ARMC8: variants seen among roughly 807,000 people sequenced by gnomAD.
ARMC8 encodes the protein armadillo repeat containing 8.
A neutral mutation model predicts 99.3 loss-of-function variants in ARMC8; 20 were observed. The ratio of observed to expected loss-of-function variants is 0.20; its 90% CI spans 0.14 to 0.29. ARMC8 has a LOEUF of 0.29. Among genes scored for constraint, ARMC8 ranks in the 10% least tolerant of loss-of-function variants. The pLI, the probability that ARMC8 is intolerant of heterozygous loss-of-function variation, is 1.00. For missense variants in ARMC8, 569 were observed against 809.5 expected (o/e 0.70, Z 3.60); for synonymous variants, 263 against 278.3 (o/e 0.95, Z 0.55).
Position 138,239,293 on chromosome 3 carries a change from T to C in ARMC8, c.777-175T>C, listed in dbSNP as rs186906659. 1.5e-5 allele frequency: 8 copies of C among 532,896 alleles called. No individual in the cohort carries two copies. The East Asian group carries it at 2.4e-4, about 16-fold the overall frequency. The allele number at this position is 532,896 out of a possible 1,614,324, so 33.0% of individuals were successfully genotyped here. On this transcript the variant is annotated intron_variant, in intron 9 of 21. Transcript: ENST00000469044. ...ACCATCTGTATTTGTCAGTTAGTTTTCTTTGACTATTAAATTGACTGAACC... is the reference window on the plus strand; with the variant it reads ...ACCATCTGTATTTGTCAGTTAGTTTCCTTTGACTATTAAATTGACTGAACC...
intron 6 of ARMC8, 168 bp downstream of exon 6, chr3:138,229,178 A>ATATATATATATGTATATGTATATG (rs1576686064): frequency 1.9e-4 from 6 of 32,100 alleles, no homozygotes; most frequent in African/African-American, 5.8e-4. Flanking sequence ...ATATATATAT[A>ATATATATATATGTATATGTATATG]TATATGTATA....
intron 6 of ARMC8, among the ~76,000 whole-genome samples, chr3:138,234,562 C>A (rs2046235176): frequency 6.6e-6 from 1 of 152,182 alleles, no homozygotes; most frequent in African/African-American, 2.4e-5. Flanking sequence ...TGGTCCAGTT[C>A]CTTTTACAAT....
At chr3:138,229,530 C>T (rs1174286692) in intron 6 of ARMC8, among the ~76,000 whole-genome samples, 5 of 151,800 alleles carry the variant, frequency 3.3e-5, no homozygotes, top group African/African-American at 4.8e-5. Context: ...TGTAATTTTA[C>T]CACATTTTTA....
chr3:138,272,459 G>A (rs2048884445), intron 16 of ARMC8, among the ~76,000 whole-genome samples: 1 of 151,684 alleles, frequency 6.6e-6, no homozygotes, highest in Non-Finnish European at 1.5e-5. Flanking sequence ...TCATGTAGAA[G>A]TATATCTAAG....
At position 138,235,132 on chromosome 3, in the gene ARMC8, G is replaced by A. The variant is rs1199072347; in HGVS notation, c.609+18G>A. 6.3e-7 allele frequency: 1 copy of A among 1,584,144 alleles called. No individual in the cohort carries two copies. The highest frequency in any genetic ancestry group is 1.7e-5 in the Admixed American group (1 of 59,722). ...CCTACAAAGTAAGATGTTAAAAATTGTGGCCAGATTTGTATACCTTGTTTG... is the reference window on the plus strand; with the variant it reads ...CCTACAAAGTAAGATGTTAAAAATTATGGCCAGATTTGTATACCTTGTTTG... On this transcript the variant is annotated intron_variant, in intron 7 of 21. Transcript: ENST00000469044.
At chr3:138,193,560 C>T (rs1367327679) in intron 1 of ARMC8, among the ~76,000 whole-genome samples, 1 of 152,228 alleles carries the variant, frequency 6.6e-6, no homozygotes, top group Non-Finnish European at 1.5e-5. Context: ...GCCACCGTGC[C>T]CAGCCAAAAG....
chr3:138,262,743 G>T (rs1576828562), intron 12 of ARMC8, among the ~76,000 whole-genome samples: 2 of 152,110 alleles, frequency 1.3e-5, no homozygotes. Context: ...AAGATCTATT[G>T]GTCTAGGTAT....
intron 4 of ARMC8, 45 bp from the exon 5 acceptor site, chr3:138,223,591 A>G (rs780650612): frequency 1.4e-5 from 22 of 1,613,822 alleles, no homozygotes; most frequent in Middle Eastern, 1.6e-4. Flanking sequence ...AGTGCTTTAA[A>G]TACTGGTTGA....
chr3:138,209,909 T>C lies in ARMC8; in HGVS notation c.122+16T>C. 6.3e-7 allele frequency: 1 copy of C among 1,593,784 alleles called. No individual in the cohort carries two copies. Among genetic ancestry groups the C allele is most frequent in the Non-Finnish European group, 8.6e-7 (1 of 1,164,236 alleles). Reference sequence around the variant, plus strand: ...AAGGTGTCATGTAAGTAGTATGTATTTAAGAGTCTATCAAAAAGTTGTTTG... The same window carrying C: ...AAGGTGTCATGTAAGTAGTATGTATCTAAGAGTCTATCAAAAAGTTGTTTG... On this transcript the variant is annotated intron_variant, in intron 2 of 21. Coordinates refer to ENST00000469044, the MANE Select transcript of ARMC8 (RefSeq NM_001363941.2).
At chr3:138,263,096 G>A (rs2047913230) in intron 12 of ARMC8, among the ~76,000 whole-genome samples, 2 of 152,280 alleles carry the variant, frequency 1.3e-5, no homozygotes, top group Non-Finnish European at 2.9e-5. Flanking sequence ...TTTTCAATAG[G>A]CCCACACAAG....
At position 138,241,995 on chromosome 3, in the gene ARMC8, TC is replaced by T. The variant is rs2046647643; in HGVS notation, c.1038+14del. Reference sequence around the variant, plus strand: ...CTGATATTAAAAGGGTATGTTATTTTCCTTTTTTAGCAGCTCAAGGGAGATT... The same window carrying T: ...CTGATATTAAAAGGGTATGTTATTTTCTTTTTTAGCAGCTCAAGGGAGATT... On this transcript the variant is annotated intron_variant, in intron 11 of 21. Coordinates refer to ENST00000469044, the MANE Select transcript of ARMC8 (RefSeq NM_001363941.2). The T allele has an allele frequency of 6.2e-7, 1 of 1,611,496 alleles. No individual in the cohort carries two copies. The highest frequency in any genetic ancestry group is 2.2e-5 in the East Asian group (1 of 44,846).
chr3:138,253,240 A>G (rs1246445092), intron 12 of ARMC8, among the ~76,000 whole-genome samples: 1 of 152,338 alleles, frequency 6.6e-6, no homozygotes, highest in South Asian at 2.1e-4. Flanking sequence ...GGGAAACCAT[A>G]TACAACAGAA....
chr3:138,275,323 C>T (rs1451826465), intron 18 of ARMC8, among the ~76,000 whole-genome samples: 5 of 152,160 alleles, frequency 3.3e-5, no homozygotes, highest in South Asian at 4.2e-4. Context: ...TTTGGGAGGC[C>T]GAGGTGGGCG....
intron 1 of ARMC8, among the ~76,000 whole-genome samples, chr3:138,204,745 C>T (rs567344539): frequency 1.3e-5 from 2 of 152,278 alleles, no homozygotes; most frequent in East Asian, 3.9e-4. Context: ...TGGATTTCTT[C>T]ACTCTACACT....
chr3:138,192,208 TCATG>T (rs2043425311), intron 1 of ARMC8, among the ~76,000 whole-genome samples: 1 of 152,080 alleles, frequency 6.6e-6, no homozygotes, highest in Non-Finnish European at 1.5e-5. Context: ...TAATATCTCA[TCATG>T]GTCTTAATTT....
Position 138,214,301 on chromosome 3 carries a change from C to G in ARMC8, c.122+4408C>G, listed in dbSNP as rs573179640. 1.2e-3 allele frequency among the ~76,000 whole-genome samples: 175 copies of G among 151,470 alleles called. 2 individuals are homozygous for G. The South Asian group carries it at 0.012, about 11-fold the overall frequency. On this transcript the variant is annotated intron_variant, in intron 2 of 21. Coordinates refer to ENST00000469044, the MANE Select transcript of ARMC8 (RefSeq NM_001363941.2). ...ATAGAATTAGAAAGCTTGACTAGAC[C>G]TCTGGTGAATTCAGTCAGGCACTTG...
intron 2 of ARMC8, among the ~76,000 whole-genome samples, chr3:138,221,348 A>G (rs1451345256): frequency 3.9e-5 from 6 of 152,234 alleles, no homozygotes; most frequent in African/African-American, 1.2e-4. Context: ...GTGGAAATAC[A>G]TATGCAAGGC....
chr3:138,293,841 C>T (rs2051216339), intron 21 of ARMC8, among the ~76,000 whole-genome samples: 1 of 152,134 alleles, frequency 6.6e-6, no homozygotes, highest in South Asian at 2.1e-4. Flanking sequence ...TAGGCCTTAC[C>T]AGCATCAAGT....
At chr3:138,210,657 A>G (rs974561611) in intron 2 of ARMC8, among the ~76,000 whole-genome samples, 1 of 152,182 alleles carries the variant, frequency 6.6e-6, no homozygotes, top group Non-Finnish European at 1.5e-5. Context: ...CATTTGGGTA[A>G]TGATGAGGGC....
Sources: gnomAD v4.1 joint callset for allele counts (sites outside exome capture counted in the v4.1 genomes callset) on GRCh38, gnomAD v4.1.1 for gene constraint, MANE v1.5 for transcripts, NCBI Gene and HGNC (gene_info 2026-07-23, HGNC 2026-07-21) for gene names.